ANKAR: variants seen among roughly 807,000 people sequenced by gnomAD.
ANKAR encodes ankyrin and armadillo repeat containing, also known as ankyrin and armadillo repeat-containing protein.
Under a neutral mutation model 146.2 loss-of-function variants are expected in ANKAR, and 136 were observed. The observed-to-expected ratio is 0.93, with a 90% confidence interval of 0.81 to 1.07. The LOEUF is 1.07. Among genes scored for constraint, ANKAR ranks in the 50% least tolerant of loss-of-function variants. The pLI, the probability that ANKAR is intolerant of heterozygous loss-of-function variation, is 0.00. For missense variants in ANKAR, 1,567 were observed against 1,679.9 expected (o/e 0.93, Z 1.18); for synonymous variants, 500 against 575.8 (o/e 0.87, Z 1.88).
intron 2 of ANKAR, among the ~76,000 whole-genome samples, chr2:189,687,920 C>T (rs1434408063): frequency 1.3e-5 from 2 of 152,216 alleles, no homozygotes; most frequent in East Asian, 3.9e-4. Flanking sequence ...TGTCTCTTCA[C>T]TTTGTTGATT....
chr2:189,712,495 T>G (rs1282771650), intron 10 of ANKAR, among the ~76,000 whole-genome samples: 2 of 152,198 alleles, frequency 1.3e-5, no homozygotes, highest in African/African-American at 2.4e-5. Flanking sequence ...GGAGTGGACC[T>G]CCAGCAAACT....
chr2:189,683,676 G>A (rs2035094487), intron 2 of ANKAR, among the ~76,000 whole-genome samples: 1 of 152,166 alleles, frequency 6.6e-6, no homozygotes, highest in Admixed American at 6.5e-5. Flanking sequence ...GCAGGTACAT[G>A]GTGTCAAGCT....
chr2:189,722,879 T>TA (rs757432393), intron 12 of ANKAR, among the ~76,000 whole-genome samples: 2,023 of 125,676 alleles, frequency 0.016, 15 homozygotes, highest in South Asian at 0.026. Context: ...AGACACTGTC[T>TA]AAAAAAAAAA....
Position 189,695,148 on chromosome 2 carries a change from C to A in ANKAR, c.1475C>A (p.Ala492Asp), listed in dbSNP as rs867365300. 6.2e-7 allele frequency: 1 copy of A among 1,601,674 alleles called. No individual in the cohort carries two copies. Among genetic ancestry groups the A allele is most frequent in the South Asian group, 1.1e-5 (1 of 89,288 alleles). ...AAGAAAAAGCTTGGTTTCAAAAGAG[C>A]TATGAAATGCAAGGTATTTCAGTGA... ...QFKKKLGFKR[A>D]MKCKSIPFGM... Residue 492 changes from alanine (A) to aspartate (D), a missense_variant, in exon 6 of 23, where the codon GCT becomes GAT. Ala to Asp is a moderately radical substitution (Grantham distance 126). Transcript: ENST00000684021.
chr2:189,727,709 C>A, intron 12 of ANKAR, 147 bp from the exon 13 acceptor site: 1 of 946,580 alleles, frequency 1.1e-6, no homozygotes, highest in Non-Finnish European at 1.5e-6. Flanking sequence ...GTAAATCTAG[C>A]CAGTTTTGTT....
intron 9 of ANKAR, among the ~76,000 whole-genome samples, chr2:189,709,458 A>G (rs1281416986): frequency 1.3e-5 from 2 of 152,232 alleles, no homozygotes; most frequent in Non-Finnish European, 2.9e-5. Flanking sequence ...GGTGGGGCCC[A>G]GGAACCACTA....
chr2:189,759,939 G>A (rs573987062), intron 18 of ANKAR, among the ~76,000 whole-genome samples: 1 of 152,216 alleles, frequency 6.6e-6, no homozygotes, highest in East Asian at 1.9e-4. Context: ...GGGTACTTGA[G>A]ATTAGGGAGT....
chr2:189,738,884 G>A (rs887952536), intron 19 of ANKAR, among the ~76,000 whole-genome samples: 5 of 152,258 alleles, frequency 3.3e-5, no homozygotes, highest in Middle Eastern at 3.4e-3. Context: ...AACAGAAGCT[G>A]AGTAACTCTG....
At chr2:189,760,756 A>C (rs1456969221) in intron 18 of ANKAR, among the ~76,000 whole-genome samples, 1 of 151,796 alleles carries the variant, frequency 6.6e-6, no homozygotes, top group African/African-American at 2.4e-5. Flanking sequence ...ATGCCACTGC[A>C]CTCCAGCCTG....
intron 7 of ANKAR, among the ~76,000 whole-genome samples, chr2:189,700,349 A>G (rs1323759760): frequency 1.3e-5 from 2 of 152,108 alleles, no homozygotes; most frequent in African/African-American, 4.8e-5. Flanking sequence ...TTGCTTCTCT[A>G]TTAGTAATGT....
rs143994086 is a variant in ANKAR at position 189,711,999 on chromosome 2, G to A, written c.2224+846G>A. ...ATGGAGCCTTGCTCACTGCTAGCGCGGCAGTCTGAGATTGACCTGCGAGGC... is the reference window on the plus strand; with the variant it reads ...ATGGAGCCTTGCTCACTGCTAGCGCAGCAGTCTGAGATTGACCTGCGAGGC... On this transcript the variant is annotated intron_variant, in intron 10 of 22. Transcript: ENST00000684021. Among the ~76,000 whole-genome samples, 703 of 152,282 alleles carry A rather than the reference G, an allele frequency of 4.6e-3. 5 individuals are homozygous for A. The highest frequency in any genetic ancestry group is 0.016 in the African/African-American group (662 of 41,548).
chr2:189,677,612 CATT>C (rs1293745802), intron 2 of ANKAR, among the ~76,000 whole-genome samples: 1 of 151,982 alleles, frequency 6.6e-6, no homozygotes, highest in Non-Finnish European at 1.5e-5. Context: ...CTGTGAATGC[CATT>C]ATTTAATTCA....
intron 12 of ANKAR, among the ~76,000 whole-genome samples, chr2:189,727,483 C>G (rs2041997151): frequency 7.8e-6 from 1 of 127,826 alleles, no homozygotes; most frequent in Non-Finnish European, 1.6e-5. Context: ...TCACACACAC[C>G]ACTGCACTCC....
chr2:189,744,656 G>C, intron 21 of ANKAR, 86 bp from the exon 22 acceptor site: 1 of 940,660 alleles, frequency 1.1e-6, no homozygotes, highest in Non-Finnish European at 1.6e-6. Flanking sequence ...ACCTGGTACT[G>C]TAAGTCTTCA....
chr2:189,731,369 C>CTTT, intron 16 of ANKAR, among the ~76,000 whole-genome samples: 1 of 37,278 alleles, frequency 2.7e-5, no homozygotes, highest in Non-Finnish European at 5.2e-5. Flanking sequence ...GTTTCTTTTT[C>CTTT]TTTTTTCTTT....
chr2:189,760,718 G>C (rs973064210), intron 18 of ANKAR, among the ~76,000 whole-genome samples: 16 of 151,968 alleles, frequency 1.1e-4, no homozygotes, highest in African/African-American at 3.9e-4. Context: ...TTGAACTCGA[G>C]AGGCGGAGAT....
In ANKAR at chr2:189,753,881, G is replaced by A. The variant is rs1035055539; in HGVS notation, c.*585-7217G>A. On this transcript the variant is annotated intron_variant and NMD_transcript_variant, in intron 18 of 18. Coordinates refer to the ANKAR transcript ENST00000441800. Reference sequence around the variant, plus strand: ...TGGGAAAAAAGTAACATATTGCAAAGTGTAACTATTACTATAAAATGAGAT... The same window carrying A: ...TGGGAAAAAAGTAACATATTGCAAAATGTAACTATTACTATAAAATGAGAT... 18 of 1,604,774 alleles carry A rather than the reference G, an allele frequency of 1.1e-5. No individual in the cohort carries two copies. The Admixed American group carries it at 2.9e-4, about 25-fold the overall frequency.
intron 7 of ANKAR, among the ~76,000 whole-genome samples, chr2:189,702,494 T>A (rs537198810): frequency 6.6e-6 from 1 of 152,194 alleles, no homozygotes; most frequent in Non-Finnish European, 1.5e-5. Context: ...TCTGCTCTAC[T>A]GAGTTATGAT....
At chr2:189,692,212 T>C (rs372239901) in intron 3 of ANKAR, 43 bp from the exon 4 acceptor site, 3 of 1,514,076 alleles carry the variant, frequency 2.0e-6, no homozygotes, top group Non-Finnish European at 2.7e-6. Flanking sequence ...TGACTTTATG[T>C]GCTGTTCACT....
Sources: gnomAD v4.1 joint callset for allele counts (sites outside exome capture counted in the v4.1 genomes callset) on GRCh38, gnomAD v4.1.1 for gene constraint, MANE v1.5 for transcripts, NCBI Gene and HGNC (gene_info 2026-07-23, HGNC 2026-07-21) for gene names.